Variants in BIRC7 observed in about 807,000 individuals in gnomAD.
BIRC7 encodes baculoviral IAP repeat-containing protein 7.
A neutral mutation model predicts 33.2 loss-of-function variants in BIRC7; 26 were observed. The observed-to-expected ratio is 0.78, with a 90% CI of 0.57 to 1.09. The LOEUF (loss-of-function observed/expected upper bound fraction) is 1.09. BIRC7 is among the 50% of genes least tolerant of loss of function. BIRC7 has a pLI of 0.00. For missense variants in BIRC7, 409 were observed against 401.2 expected (o/e 1.02, Z -0.17); for synonymous variants, 176 against 171.0 (o/e 1.03, Z -0.23).
chr20:63,239,684 T>C lies in BIRC7; in HGVS notation c.*5+74T>C, dbSNP rs2066721645. 5.4e-6 allele frequency: 8 copies of C among 1,491,442 alleles called. No homozygotes were observed. In the Admixed American group the frequency reaches 8.4e-5, roughly 16 times the overall value. The allele number at this position is 1,491,442 out of a possible 1,614,324, so 92.4% of individuals were successfully genotyped here. A position where few individuals can be genotyped will look rare whatever the true frequency, so the allele number is the denominator to read the frequency against. On this transcript the variant is annotated intron_variant, in intron 6 of 6. Coordinates refer to ENST00000217169, the MANE Select transcript of BIRC7 (RefSeq NM_139317.3). ...CTGAGCCGGCTGTGCCCGGCCCTCC[T>C]GAACCCATGCAGGCCCTTCCCGGGT... is the stretch of plus-strand genomic sequence containing the variant.
intron 6 of BIRC7, among the ~76,000 whole-genome samples, 181 bp from the exon 7 acceptor site, chr20:63,240,075 C>T (rs2066725872): frequency 2.6e-5 from 4 of 152,342 alleles, no homozygotes; most frequent in South Asian, 2.1e-4. Flanking sequence ...CCATACTGGC[C>T]GAGGGACAGG....
rs1339505314 is a variant in BIRC7, at chr20:63,236,391, C to A, written c.295C>A (p.Leu99Met). The change falls in exon 1 of 7, where the codon CTG becomes ATG. Residue 99 changes from leucine to methionine, a missense_variant. By Grantham distance (15) the Leu-to-Met change is conservative. Coordinates refer to ENST00000217169, the MANE Select transcript of BIRC7 (RefSeq NM_139317.3). Reference sequence around the variant, plus strand: ...TCTGGCCTCCTTCTATGACTGGCCGCTGACTGCTGAGGTGCCACCCGAGCT... The same window carrying A: ...TCTGGCCTCCTTCTATGACTGGCCGATGACTGCTGAGGTGCCACCCGAGCT... Reference protein sequence around the residue: ...LRLASFYDWPLTAEVPPELLA... With the variant: ...LRLASFYDWPMTAEVPPELLA... 2 of 1,569,008 alleles carry A rather than the reference C, an allele frequency of 1.3e-6. No homozygotes were observed. The highest frequency in any genetic ancestry group is 2.7e-5 in the African/African-American group (2 of 74,318).
chr20:63,239,345 C>T lies in BIRC7; in HGVS notation c.650-13C>T, dbSNP rs1186078218. On this transcript the variant is annotated splice_polypyrimidine_tract_variant and intron_variant, in intron 5 of 6. Transcript: ENST00000217169. The stretch of plus-strand genomic sequence containing the variant: ...CCAGGGTGTGGGGACATTTCGCAGG[C>T]CTGTCCTCCTAGGAGGGGTCAGTCC... The T allele has an allele frequency of 1.2e-6, 2 of 1,602,420 alleles. No individual in the cohort carries two copies. The highest frequency in any genetic ancestry group is 1.1e-5 in the South Asian group (1 of 91,054).
chr20:63,238,181 T>C, intron 2 of BIRC7, 179 bp downstream of exon 2: 2 of 844,096 alleles, frequency 2.4e-6, no homozygotes, highest in Non-Finnish European at 3.7e-6. Context: ...TGAGGGCCCC[T>C]TTTCGGAAGG....
chr20:63,236,449 A>AG lies in BIRC7; in HGVS notation c.349+5dup. ...GCTGCCGGCTTCTTCCACACAGGTC[A>AG]GTCCCGGGCGGGGGGGCCTTCCTGC... On this transcript the variant is annotated splice_donor_region_variant and intron_variant, in intron 1 of 6. Transcript: ENST00000217169. 1 of 1,516,478 alleles carries AG rather than the reference A, an allele frequency of 6.6e-7. No individual in the cohort carries two copies. Among genetic ancestry groups the AG allele is most frequent in the Non-Finnish European group, 8.8e-7 (1 of 1,134,368 alleles). 93.9% of individuals were successfully genotyped at this position (1,516,478 alleles called of 1,614,324 possible).
At position 63,236,124 on chromosome 20, in the gene BIRC7, C is replaced by A; in HGVS notation, c.28C>A (p.Leu10Met). 6.3e-7 allele frequency: 1 copy of A among 1,575,396 alleles called. No homozygotes were observed. The highest frequency in any genetic ancestry group is 8.6e-7 in the Non-Finnish European group (1 of 1,158,912). The part of the protein sequence containing the change: MGPKDSAKC[L>M]HRGPQPSHWA... ...GGGACCTAAAGACAGTGCCAAGTGCCTGCACCGTGGACCACAGCCGAGCCA... is the reference window on the plus strand; with the variant it reads ...GGGACCTAAAGACAGTGCCAAGTGCATGCACCGTGGACCACAGCCGAGCCA... The change falls in exon 1 of 7, where the codon CTG becomes ATG. Residue 10 changes from leucine to methionine, a missense_variant. By Grantham distance (15) the Leu-to-Met change is conservative (BLOSUM62 2). Coordinates refer to ENST00000217169, the MANE Select transcript of BIRC7 (RefSeq NM_139317.3).
At chr20:63,237,829 G>A in intron 1 of BIRC7, 74 bp from the exon 2 acceptor site, 1 of 1,337,570 alleles carries the variant, frequency 7.5e-7, no homozygotes. Context: ...AGCTCTCATA[G>A]CCTTGGAAGG....
At chr20:63,238,091 T>G in intron 2 of BIRC7, 89 bp downstream of exon 2, 1 of 1,243,806 alleles carries the variant, frequency 8.0e-7, no homozygotes, top group Non-Finnish European at 1.1e-6. Context: ...CAGGCCTGCT[T>G]TGCCTCCCTG....
chr20:63,239,394 G>A lies in BIRC7; in HGVS notation c.686G>A (p.Trp229Ter). ...VSPAEAQRAW[W>*]VLEPPGARDV... ...CCAGCCGAGGCCCAGAGGGCGTGGT[G>A]GGTTCTTGAGCCCCCAGGAGCCAGG... is the stretch of plus-strand genomic sequence containing the variant. Residue 229 changes from tryptophan (W) to a stop codon, truncating the protein, a stop_gained, in exon 6 of 7, where the codon TGG becomes TAG. Coordinates refer to ENST00000217169, the MANE Select transcript of BIRC7 (RefSeq NM_139317.3). LOFTEE classifies it high-confidence loss of function. 6.2e-7 allele frequency: 1 copy of A among 1,604,732 alleles called. No individual in the cohort carries two copies. Among genetic ancestry groups the A allele is most frequent in the Non-Finnish European group, 8.5e-7 (1 of 1,179,762 alleles).
Position 63,239,028 on chromosome 20 carries a change from G to A in BIRC7, c.578-134G>A, listed in dbSNP as rs557290368. The A allele has an allele frequency of 2.0e-4, 179 of 897,010 alleles. No homozygotes were observed. In the African/African-American group the frequency reaches 2.9e-3, roughly 15 times the overall value. The allele number at this position is 897,010 out of a possible 1,614,324, so 55.6% of individuals were successfully genotyped here. A position where few individuals can be genotyped will look rare whatever the true frequency, so the allele number is the denominator to read the frequency against. ...TGCTGTGGGAGGGGTGGGAAGAAGT[G>A]TCGGGAGCGGGGATACTCTGCAGCC... On this transcript the variant is annotated intron_variant, in intron 4 of 6. Coordinates refer to ENST00000217169, the MANE Select transcript of BIRC7 (RefSeq NM_139317.3).
At chr20:63,238,768 G>T in intron 4 of BIRC7, 154 bp downstream of exon 4, 9 of 1,088,368 alleles carry the variant, frequency 8.3e-6, no homozygotes, top group Non-Finnish European at 1.1e-5. Context: ...TCAGGGGGCT[G>T]TGCCATGTGA....
chr20:63,238,987 C>T (rs1384300785), intron 4 of BIRC7, 175 bp from the exon 5 acceptor site: 5 of 720,108 alleles, frequency 6.9e-6, no homozygotes, highest in South Asian at 1.7e-5. Flanking sequence ...CTCCAGGAAG[C>T]CTCTGGATCC....
Position 63,237,946 on chromosome 20 carries a change from G to T in BIRC7, c.393G>T (p.Leu131=), listed in dbSNP as rs563310323. ...GGTGCTTCTTCTGCTATGGGGGCCT[G>T]CAGAGCTGGAAGCGCGGGGACGACC... ...KVRCFFCYGG[L]QSWKRGDDPW... Residue 131 remains leucine (L), a synonymous_variant, in exon 2 of 7, where the codon CTG becomes CTT. Coordinates refer to ENST00000217169, the MANE Select transcript of BIRC7 (RefSeq NM_139317.3). The T allele has an allele frequency of 3.2e-5, 52 of 1,608,582 alleles. No homozygotes were observed. The highest frequency in any genetic ancestry group is 6.8e-5 in the Admixed American group (4 of 58,836).
Position 63,237,918 on chromosome 20 carries a change from T to G in BIRC7, c.365T>G (p.Val122Gly), listed in dbSNP as rs1431123466. 1.2e-6 allele frequency: 2 copies of G among 1,605,634 alleles called. No individual in the cohort carries two copies. The highest frequency in any genetic ancestry group is 1.7e-6 in the Non-Finnish European group (2 of 1,177,324). ...GFFHTGHQDK[V>G]RCFFCYGGLQ... ...CGCACCCCAGGCCATCAGGACAAGG[T>G]GAGGTGCTTCTTCTGCTATGGGGGC... Residue 122 changes from valine (V) to glycine (G), a missense_variant, in exon 2 of 7, where the codon GTG becomes GGG. Coordinates refer to ENST00000217169, the MANE Select transcript of BIRC7 (RefSeq NM_139317.3).
chr20:63,236,527 C>T (rs560760862), intron 1 of BIRC7, 82 bp downstream of exon 1: 93 of 1,450,476 alleles, frequency 6.4e-5, no homozygotes, highest in Non-Finnish European at 7.6e-5. Flanking sequence ...CTGCCTCCTC[C>T]GTAGCATCCA....
Position 63,238,592 on chromosome 20 carries a change from C to A in BIRC7, c.555C>A (p.Asp185Glu), listed in dbSNP as rs751355860. 1.2e-6 allele frequency: 2 copies of A among 1,612,892 alleles called. No homozygotes were observed. The highest frequency in any genetic ancestry group is 2.7e-5 in the African/African-American group (2 of 74,940). Reference sequence around the variant, plus strand: ...AGGACCCGTGGGAAGAACCGGAAGACGCAGCCCCTGTGGCCCCCTCCGGTG... The same window carrying A: ...AGGACCCGTGGGAAGAACCGGAAGAAGCAGCCCCTGTGGCCCCCTCCGGTG... ...GSWDPWEEPE[D>E]AAPVAPSVPA... The change falls in exon 4 of 7, where the codon GAC becomes GAA. Residue 185 changes from aspartate to glutamate, a missense_variant. By Grantham distance (45) the Asp-to-Glu change is conservative (BLOSUM62 2). Coordinates refer to ENST00000217169, the MANE Select transcript of BIRC7 (RefSeq NM_139317.3).
Position 63,236,303 on chromosome 20 carries a change from G to A in BIRC7, c.207G>A (p.Glu69=). 1 of 1,610,714 alleles carries A rather than the reference G, an allele frequency of 6.2e-7. No individual in the cohort carries two copies. ...LRPLTEEEEE[E]GAGATLSRGP... is the part of the protein sequence containing the mutation. The stretch of plus-strand genomic sequence containing the variant: ...CCCTGACAGAGGAGGAAGAGGAGGA[G>A]GGCGCCGGGGCCACCTTGTCCAGGG... The change falls in exon 1 of 7, where the codon GAG becomes GAA. Residue 69 remains glutamate (E), a synonymous_variant. Transcript: ENST00000217169.
At position 63,239,215 on chromosome 20, in the gene BIRC7, G is replaced by C; in HGVS notation, c.631G>C (p.Glu211Gln). The change falls in exon 5 of 7, where the codon GAA becomes CAA. Residue 211 changes from glutamate (E) to glutamine (Q), a missense_variant. Physicochemically the swap from Glu to Gln is conservative, Grantham distance 29 (BLOSUM62 2). Coordinates refer to ENST00000217169, the MANE Select transcript of BIRC7 (RefSeq NM_139317.3). ...CACACCCAGGAGAGAGGTCCAGTCT[G>C]AAAGTGCCCAGGAGCCAGGTGCAGG... ...LPTPRREVQS[E>Q]SAQEPGGVSP... 1.2e-6 allele frequency: 2 copies of C among 1,612,190 alleles called. No homozygotes were observed. Among genetic ancestry groups the C allele is most frequent in the South Asian group, 2.2e-5 (2 of 91,016 alleles).
At chr20:63,236,523 C>A in intron 1 of BIRC7, 78 bp downstream of exon 1, 6 of 1,459,020 alleles carry the variant, frequency 4.1e-6, no homozygotes, top group Non-Finnish European at 5.4e-6. Context: ...GGCTCTGCCT[C>A]CTCCGTAGCA....
Sources: allele counts gnomAD v4.1 joint callset (sites outside exome capture counted in the v4.1 genomes callset), GRCh38; gene constraint gnomAD v4.1.1; transcripts MANE v1.5; gene names NCBI Gene and HGNC (gene_info 2026-07-23, HGNC 2026-07-21).